The following KATNAL2 variants were observed in gnomAD, a reference collection of about 807,000 sequenced individuals.
The protein encoded by KATNAL2 is katanin catalytic subunit A1 like 2.
KATNAL2 carries 52 observed loss-of-function variants against 76.3 expected under a neutral mutation model. The observed-to-expected ratio is 0.68, with a 90% CI of 0.55 to 0.86. The LOEUF (loss-of-function observed/expected upper bound fraction) is 0.86. Among genes scored for constraint, KATNAL2 ranks in the 40% least tolerant of loss-of-function variants. KATNAL2 has a pLI of 0.00. For missense variants in KATNAL2, 660 were observed against 668.9 expected, an observed-to-expected ratio of 0.99 and a Z score of 0.15; for synonymous variants, 243 against 244.2, an observed-to-expected ratio of 1.00 and a Z score of 0.05.
chr18:46,925,828 G>A (rs1158145076), intron 1 of KATNAL2, among the ~76,000 whole-genome samples: 3 of 152,012 alleles, frequency 2.0e-5, no homozygotes, highest in South Asian at 2.1e-4. Flanking sequence ...TGTATGTGTC[G>A]AGGAATTTAT....
At chr18:47,054,002 A>T (rs1383346989) in intron 5 of KATNAL2, among the ~76,000 whole-genome samples, 1 of 152,256 alleles carries the variant, frequency 6.6e-6, no homozygotes, top group Non-Finnish European at 1.5e-5. Flanking sequence ...CTAGCAGAGT[A>T]TGACTTCAGT....
chr18:46,949,443 C>G (rs72919213), intron 3 of KATNAL2, among the ~76,000 whole-genome samples: 7,046 of 152,124 alleles, frequency 0.046, 193 homozygotes, highest in Non-Finnish European at 0.064. Flanking sequence ...TGTAGAGTTT[C>G]ACCATGTTGC....
chr18:47,032,661 T>TC (rs2060527394), intron 3 of KATNAL2: 1 of 366,280 alleles, frequency 2.7e-6, no homozygotes, highest in African/African-American at 2.1e-5. Context: ...CTACTTGATT[T>TC]CGAAAAAAAA....
intron 3 of KATNAL2, among the ~76,000 whole-genome samples, chr18:46,958,881 A>C (rs1237677258): frequency 6.6e-6 from 1 of 152,234 alleles, no homozygotes; most frequent in Non-Finnish European, 1.5e-5. Flanking sequence ...AGAATCCTAA[A>C]ACAAAGTCAT....
chr18:47,035,796 C>A (rs574096401), intron 3 of KATNAL2, among the ~76,000 whole-genome samples: 2 of 152,216 alleles, frequency 1.3e-5, no homozygotes, highest in Non-Finnish European at 2.9e-5. Context: ...GGTTCCACAT[C>A]TGTGAATTCC....
rs553401653 is a variant in KATNAL2 at position 46,939,810 on chromosome 18, A to T, written c.-509-6247A>T. Among the ~76,000 whole-genome samples, 15 of 152,308 alleles carry T rather than the reference A, an allele frequency of 9.8e-5. No individual in the cohort carries two copies. The South Asian group carries it at 2.9e-3, about 29-fold the overall frequency. Reference sequence around the variant, plus strand: ...CAGCTGTTGAGGCCCCTGAAGCTACACTGGTCTCTGCCCTTTCTGAACCTT... The same window carrying T: ...CAGCTGTTGAGGCCCCTGAAGCTACTCTGGTCTCTGCCCTTTCTGAACCTT... On this transcript the variant is annotated intron_variant, in intron 1 of 17. Transcript: ENST00000683218.
chr18:46,945,612 A>G lies in KATNAL2; in HGVS notation c.-509-445A>G, dbSNP rs201221965. On this transcript the variant is annotated intron_variant, in intron 1 of 17. Coordinates refer to ENST00000683218, the MANE Select transcript of KATNAL2 (RefSeq NM_001387690.1). ...GGCTTCAGTCAGGAAACAGGTTTGC[A>G]TCCTAACTCTATCTAGAACTACTTA... Among the ~76,000 whole-genome samples, 12 of 152,356 alleles carry G rather than the reference A, an allele frequency of 7.9e-5. No homozygotes were observed. In the East Asian group the frequency reaches 2.3e-3, roughly 29 times the overall value.
intron 15 of KATNAL2, among the ~76,000 whole-genome samples, chr18:47,094,921 T>TA (rs146393650): frequency 0.011 from 1,610 of 152,238 alleles, 17 homozygotes; most frequent in Middle Eastern, 0.068. Context: ...AACTTTTTTT[T>TA]ATGCAAATTG....
intron 15 of KATNAL2, among the ~76,000 whole-genome samples, chr18:47,078,557 T>C (rs775349713): frequency 1.3e-4 from 20 of 152,164 alleles, no homozygotes; most frequent in Non-Finnish European, 7.3e-5. Context: ...GGAAGGAATC[T>C]TCTTTCCTTC....
intron 3 of KATNAL2, among the ~76,000 whole-genome samples, chr18:47,031,371 T>G (rs2060423115): frequency 6.6e-6 from 1 of 152,148 alleles, no homozygotes; most frequent in African/African-American, 2.4e-5. Flanking sequence ...CGTTGGCAGT[T>G]TCGCGTAATT....
At chr18:47,056,264 C>A (rs1830728523) in intron 6 of KATNAL2, among the ~76,000 whole-genome samples, 1 of 152,228 alleles carries the variant, frequency 6.6e-6, no homozygotes, top group African/African-American at 2.4e-5. Flanking sequence ...ATTACAAAAT[C>A]AGAGACCTGG....
intron 3 of KATNAL2, chr18:47,033,656 G>T: frequency 6.2e-7 from 1 of 1,614,222 alleles, no homozygotes; most frequent in Non-Finnish European, 8.5e-7. Flanking sequence ...TTGTTTCTAA[G>T]CACCTGGGCA....
chr18:47,058,942 G>T (rs908420417), intron 7 of KATNAL2, among the ~76,000 whole-genome samples: 3 of 152,118 alleles, frequency 2.0e-5, no homozygotes, highest in African/African-American at 7.2e-5. Context: ...TGACTCAGGA[G>T]GCTCATGTCC....
intron 1 of KATNAL2, among the ~76,000 whole-genome samples, chr18:46,936,444 A>G (rs1296639495): frequency 6.6e-6 from 1 of 152,186 alleles, no homozygotes; most frequent in Non-Finnish European, 1.5e-5. Flanking sequence ...ATACTTTTCT[A>G]CATAACCTGG....
At chr18:47,071,526 C>G (rs944749239) in intron 13 of KATNAL2, among the ~76,000 whole-genome samples, 1 of 151,714 alleles carries the variant, frequency 6.6e-6, no homozygotes, top group African/African-American at 2.4e-5. Context: ...AATATCATTT[C>G]TATATGCTGA....
At chr18:46,922,032 T>C (rs2058572752) in intron 1 of KATNAL2, among the ~76,000 whole-genome samples, 1 of 152,084 alleles carries the variant, frequency 6.6e-6, no homozygotes, top group Non-Finnish European at 1.5e-5. Flanking sequence ...AATACTGTCT[T>C]AGTCTTAGAC....
chr18:46,935,615 A>C (rs1451967059), intron 1 of KATNAL2, among the ~76,000 whole-genome samples: 2 of 151,896 alleles, frequency 1.3e-5, no homozygotes, highest in Non-Finnish European at 1.5e-5. Context: ...ATAAGTTTAC[A>C]TTGAAAAAGA....
intron 1 of KATNAL2, among the ~76,000 whole-genome samples, chr18:46,931,094 C>T (rs1005194720): frequency 2.7e-5 from 3 of 111,036 alleles, no homozygotes; most frequent in Non-Finnish European, 3.9e-5. Context: ...AGTGAGACTC[C>T]GTCTCAGGAA....
intron 1 of KATNAL2, among the ~76,000 whole-genome samples, chr18:46,936,135 A>G (rs1039043818): frequency 4.6e-5 from 7 of 152,192 alleles, no homozygotes; most frequent in African/African-American, 1.4e-4. Context: ...GGAACATTTT[A>G]CCATACCTAT....
Sources: gnomAD v4.1 joint callset for allele counts (sites outside exome capture counted in the v4.1 genomes callset) on GRCh38, gnomAD v4.1.1 for gene constraint, MANE v1.5 for transcripts, NCBI Gene and HGNC (gene_info 2026-07-23, HGNC 2026-07-21) for gene names.